Variants in YJEFN3 observed in about 807,000 individuals in gnomAD.
YJEFN3 encodes YjeF N-terminal domain containing 3.
Under a neutral mutation model 31.5 loss-of-function variants are expected in YJEFN3, and 29 were observed. That is an observed-to-expected ratio of 0.92 (90% confidence interval 0.69 to 1.26). The LOEUF (loss-of-function observed/expected upper bound fraction) is 1.26, where lower values mean the gene tolerates loss of function less well. Ranked by LOEUF, YJEFN3 falls within the 50% of genes most tolerant of loss-of-function variation. YJEFN3 has a pLI of 0.00. For synonymous variants in YJEFN3, 227 were observed against 196.1 expected (o/e 1.16, Z -1.32); for missense variants, 442 against 425.4 (o/e 1.04, Z -0.34).
At chr19:19,533,458 C>A in intron 3 of YJEFN3, 1 of 966,438 alleles carries the variant, frequency 1.0e-6, no homozygotes, top group Non-Finnish European at 1.2e-6. Flanking sequence ...CTTCCTCCTC[C>A]TCCTGCCCCC....
intron 4 of YJEFN3, 66 bp from the exon 5 acceptor site, chr19:19,535,271 C>T (rs1179071229): frequency 3.6e-5 from 56 of 1,547,288 alleles, no homozygotes; most frequent in Non-Finnish European, 4.8e-5. Context: ...CAGTGCTTGT[C>T]CCAGGCAGGG....
rs56747140 is a variant in YJEFN3, at chr19:19,531,718, C to CTTTTTTTTTTT, written c.210-894_210-884dup. ...GCCACATTTTCTGGCAACAAATAAC[C>CTTTTTTTTTTT]TTTTTTTTTTTTTTTTTTTTTTTTT... On this transcript the variant is annotated intron_variant, in intron 2 of 6. Transcript: ENST00000514277. Among the ~76,000 whole-genome samples, 15 of 75,864 alleles carry CTTTTTTTTTTT rather than the reference C, an allele frequency of 2.0e-4. 2 individuals carry two copies. The highest frequency in any genetic ancestry group is 1.1e-3 in the African/African-American group (15 of 13,252). The allele number at this position is 75,864 out of a possible 152,430, so 49.8% of individuals were successfully genotyped here. A position where few individuals can be genotyped will look rare whatever the true frequency, so the allele number is the denominator to read the frequency against.
intron 6 of YJEFN3, chr19:19,535,992 C>G: frequency 1.8e-6 from 1 of 561,750 alleles, no homozygotes; most frequent in Non-Finnish European, 3.1e-6. Context: ...TGGCTGCCGC[C>G]CCATGCCTGT....
rs573154154 is a variant in YJEFN3 at position 19,532,770 on chromosome 19, C to T, written c.318+30C>T. ...CTGACCCCTGACCCCCAACCCTGAC[C>T]CCAACCAGACGGCCAACTCTCCTGA... On this transcript the variant is annotated intron_variant, in intron 3 of 6. Coordinates refer to ENST00000514277, the MANE Select transcript of YJEFN3 (RefSeq NM_198537.4). 34 of 1,495,632 alleles carry T rather than the reference C, an allele frequency of 2.3e-5. No homozygotes were observed. The African/African-American group carries it at 3.2e-4, about 14-fold the overall frequency. The allele number at this position is 1,495,632 out of a possible 1,614,324, so 92.6% of individuals were successfully genotyped here.
At chr19:19,532,806 T>G in intron 3 of YJEFN3, 66 bp downstream of exon 3, 1 of 1,340,202 alleles carries the variant, frequency 7.5e-7, no homozygotes, top group East Asian at 2.7e-5. Flanking sequence ...GCTGCATGAC[T>G]GCTGTGACCA....
intron 6 of YJEFN3, 22 bp from the exon 7 acceptor site, chr19:19,537,297 C>A (rs1421277917): frequency 1.9e-6 from 3 of 1,558,264 alleles, no homozygotes; most frequent in East Asian, 2.3e-5. Context: ...GTTCCCAATC[C>A]CCCCGGACCC....
At chr19:19,536,579 T>C (rs2144669777) in intron 6 of YJEFN3, among the ~76,000 whole-genome samples, 1 of 152,178 alleles carries the variant, frequency 6.6e-6, no homozygotes, top group South Asian at 2.1e-4. Flanking sequence ...CTTGGGAGGC[T>C]GAGGCAGGAG....
rs902360952 is a variant in YJEFN3 at position 19,534,841 on chromosome 19, C to G, written c.319-193C>G. 2 of 428,614 alleles carry G rather than the reference C, an allele frequency of 4.7e-6. No individual in the cohort carries two copies. Among genetic ancestry groups the G allele is most frequent in the African/African-American group, 2.0e-5 (1 of 49,646 alleles). The allele number at this position is 428,614 out of a possible 1,614,324, so 26.6% of individuals were successfully genotyped here. ...GACCTGGCAGAGCCTGAGACCGGGC[C>G]TCTGCATCTCCAGCGGGGAAACTGA... On this transcript the variant is annotated intron_variant, in intron 3 of 6. Transcript: ENST00000514277. The surrounding 1 kb of genome is among the most constrained non-coding windows in gnomAD (Gnocchi z 4.6).
intron 6 of YJEFN3, among the ~76,000 whole-genome samples, chr19:19,536,635 TG>T (rs2061212405): frequency 6.7e-6 from 1 of 150,036 alleles, no homozygotes. Flanking sequence ...GCTGAGATCG[TG>T]CCACTGCACT....
intron 3 of YJEFN3, chr19:19,533,235 CA>C (rs1908360633): frequency 1.0e-6 from 1 of 989,310 alleles, no homozygotes; most frequent in African/African-American, 1.7e-5. Context: ...GAGGATGACA[CA>C]AGGGTGATAG....
At chr19:19,533,409 T>G (rs909475185) in intron 3 of YJEFN3, 28 of 986,022 alleles carry the variant, frequency 2.8e-5, no homozygotes, top group Non-Finnish European at 3.1e-5. Context: ...TGCCTCCTCT[T>G]CCTCCCCTGC....
chr19:19,532,521 GT>G lies in YJEFN3; in HGVS notation c.210-110del, dbSNP rs2144659963. The stretch of plus-strand genomic sequence containing the variant: ...TGCAGACGCTACTCGGGGGTACGGG[GT>G]GGGAGGGTGGCATTGGGACCGGGTT... On this transcript the variant is annotated intron_variant, in intron 2 of 6. Coordinates refer to ENST00000514277, the MANE Select transcript of YJEFN3 (RefSeq NM_198537.4). 5 of 668,086 alleles carry G rather than the reference GT, an allele frequency of 7.5e-6. No homozygotes were observed. In the South Asian group the frequency reaches 8.0e-5, roughly 11 times the overall value. 41.4% of individuals were successfully genotyped at this position (668,086 alleles called of 1,614,324 possible). A position where few individuals can be genotyped will look rare whatever the true frequency, so the allele number is the denominator to read the frequency against.
chr19:19,529,326 C>T lies in YJEFN3; in HGVS notation c.60-38C>T, dbSNP rs2061130399. 3 of 1,585,294 alleles carry T rather than the reference C, an allele frequency of 1.9e-6. No individual in the cohort carries two copies. In the African/African-American group the frequency reaches 4.0e-5, roughly 21 times the overall value. Reference sequence around the variant, plus strand: ...AGCGCTGGTCGCTCCCCCACCGAACCCCAACCGTGGCCCACCCCCACTCTC... The same window carrying T: ...AGCGCTGGTCGCTCCCCCACCGAACTCCAACCGTGGCCCACCCCCACTCTC... On this transcript the variant is annotated intron_variant, in intron 1 of 6. Coordinates refer to ENST00000514277, the MANE Select transcript of YJEFN3 (RefSeq NM_198537.4).
chr19:19,534,239 C>A lies in YJEFN3; in HGVS notation c.319-795C>A. The A allele has an allele frequency of 1.1e-6, 1 of 890,126 alleles. No individual in the cohort carries two copies. Among genetic ancestry groups the A allele is most frequent in the Non-Finnish European group, 1.3e-6 (1 of 743,896 alleles). 55.1% of individuals were successfully genotyped at this position (890,126 alleles called of 1,614,324 possible). On this transcript the variant is annotated intron_variant, in intron 3 of 6. Coordinates refer to ENST00000514277, the MANE Select transcript of YJEFN3 (RefSeq NM_198537.4). This position sits in a 1 kb window ranked among gnomAD's most constrained non-coding sequence, Gnocchi z 4.6. ...AGATAACAGAGAGATACAGAGACAG[C>A]CAGAGACAAATGGAGAGAGAGACAA...
chr19:19,534,240 C>CAGAGACAAATGGAGAG lies in YJEFN3; in HGVS notation c.319-778_319-763dup. 1 of 890,352 alleles carries CAGAGACAAATGGAGAG rather than the reference C, an allele frequency of 1.1e-6. No individual in the cohort carries two copies. 55.2% of individuals were successfully genotyped at this position (890,352 alleles called of 1,614,324 possible). ...GATAACAGAGAGATACAGAGACAGC[C>CAGAGACAAATGGAGAG]AGAGACAAATGGAGAGAGAGACAAA... On this transcript the variant is annotated intron_variant, in intron 3 of 6. Coordinates refer to ENST00000514277, the MANE Select transcript of YJEFN3 (RefSeq NM_198537.4). The surrounding 1 kb of genome is among the most constrained non-coding windows in gnomAD (Gnocchi z 4.6).
At chr19:19,535,732 C>G (rs1175127416) in intron 6 of YJEFN3, 53 bp downstream of exon 6, 1 of 1,535,584 alleles carries the variant, frequency 6.5e-7, no homozygotes, top group Admixed American at 2.0e-5. Context: ...GGGTGGAGGC[C>G]CCTGTGCCCC....
Position 19,534,960 on chromosome 19 carries a change from G to C in YJEFN3, c.319-74G>C. On this transcript the variant is annotated intron_variant, in intron 3 of 6. Coordinates refer to ENST00000514277, the MANE Select transcript of YJEFN3 (RefSeq NM_198537.4). The surrounding 1 kb of genome is among the most constrained non-coding windows in gnomAD (Gnocchi z 4.6). ...CAAGCCCCATCCCTTCCCCTACTCC[G>C]GGCCTCAGTTTCCTCTCCAGGCAAG... 1 of 1,317,796 alleles carries C rather than the reference G, an allele frequency of 7.6e-7. No homozygotes were observed. Among genetic ancestry groups the C allele is most frequent in the South Asian group, 1.5e-5 (1 of 65,018 alleles). The allele number at this position is 1,317,796 out of a possible 1,614,324, so 81.6% of individuals were successfully genotyped here.
intron 2 of YJEFN3, among the ~76,000 whole-genome samples, chr19:19,530,431 C>T (rs1460676738): frequency 4.0e-5 from 6 of 148,652 alleles, no homozygotes; most frequent in South Asian, 2.2e-4. Context: ...CTAACCTGGA[C>T]GACCCTCTGC....
rs2061192683 is a variant in YJEFN3, at chr19:19,534,916, A to G, written c.319-118A>G. ...TCCAGAACAGCTCACCTCCTGTCCT[A>G]TCCTGTTGCCTCCAGGCCCAAGCCC... is the stretch of plus-strand genomic sequence containing the variant. On this transcript the variant is annotated intron_variant, in intron 3 of 6. Transcript: ENST00000514277. This position sits in a 1 kb window ranked among gnomAD's most constrained non-coding sequence, Gnocchi z 4.6. The G allele has an allele frequency of 6.1e-6, 5 of 820,280 alleles. No homozygotes were observed. In the South Asian group the frequency reaches 6.4e-5, roughly 10 times the overall value. The allele number at this position is 820,280 out of a possible 1,614,324, so 50.8% of individuals were successfully genotyped here.
Sources: gnomAD v4.1 joint callset for allele counts (sites outside exome capture counted in the v4.1 genomes callset) on GRCh38, gnomAD v4.1.1 for gene constraint, Gnocchi (gnomAD v3.1) non-coding constraint, MANE v1.5 for transcripts, NCBI Gene and HGNC (gene_info 2026-07-23, HGNC 2026-07-21) for gene names.